Variants in RBFOX1 observed in about 807,000 individuals in gnomAD.
The protein encoded by RBFOX1 is RNA binding protein fox-1 homolog 1.
RBFOX1 carries 8 observed loss-of-function variants against 57.7 expected under a neutral mutation model. The ratio of observed to expected loss-of-function variants is 0.14; its 90% CI spans 0.08 to 0.25. The LOEUF is 0.25. Among genes scored for constraint, RBFOX1 ranks in the 10% least tolerant of loss-of-function variants. RBFOX1 has a pLI of 1.00. For missense variants in RBFOX1, 611 were observed against 548.5 expected, an observed-to-expected ratio of 1.11 and a Z score of -1.14; for synonymous variants, 326 against 222.4, an observed-to-expected ratio of 1.47 and a Z score of -4.15.
intron 3 of RBFOX1, among the ~76,000 whole-genome samples, chr16:5,853,914 T>C (rs1346307270): frequency 2.0e-5 from 3 of 152,216 alleles, no homozygotes; most frequent in African/African-American, 7.2e-5. Flanking sequence ...CATGTGCCAC[T>C]GCACCCAGCC....
intron 3 of RBFOX1, among the ~76,000 whole-genome samples, chr16:7,041,894 G>C (rs2046297417): frequency 6.6e-6 from 1 of 151,218 alleles, no homozygotes; most frequent in Non-Finnish European, 1.5e-5. Flanking sequence ...AATAAAATTA[G>C]ACACTTTGCA....
At chr16:6,537,793 A>G (rs944928895) in intron 2 of RBFOX1, among the ~76,000 whole-genome samples, 1 of 152,220 alleles carries the variant, frequency 6.6e-6, no homozygotes, top group African/African-American at 2.4e-5. Context: ...GCTCACTGGT[A>G]GCTGAAATTC....
chr16:7,296,345 T>C (rs1194176554), intron 4 of RBFOX1, among the ~76,000 whole-genome samples: 2 of 151,826 alleles, frequency 1.3e-5, no homozygotes, highest in African/African-American at 4.8e-5. Flanking sequence ...TGTGAGTTTA[T>C]GTGTGTATGT....
At chr16:7,088,355 G>C (rs1005393493) in intron 4 of RBFOX1, among the ~76,000 whole-genome samples, 2 of 152,146 alleles carry the variant, frequency 1.3e-5, no homozygotes, top group Non-Finnish European at 2.9e-5. Flanking sequence ...TCTCTCACAA[G>C]TGACTACTTA....
Position 6,590,840 on chromosome 16 carries a change from G to A in RBFOX1, c.-63-63763G>A, listed in dbSNP as rs906229215. Among the ~76,000 whole-genome samples, 13 of 6,048 alleles carry A rather than the reference G, an allele frequency of 2.1e-3. No individual in the cohort carries two copies. The East Asian group carries it at 0.062, about 29-fold the overall frequency. 4.0% of individuals were successfully genotyped at this position (6,048 alleles called of 152,430 possible). ...ACAGCTCTGTCATATTGGCAAGTGC[G>A]TTTGACATGCAAGAATTGTACAGTT... On this transcript the variant is annotated intron_variant, in intron 2 of 15. Coordinates refer to ENST00000550418, the MANE Select transcript of RBFOX1 (RefSeq NM_018723.4).
chr16:6,699,739 G>GA (rs2061551453), intron 3 of RBFOX1, among the ~76,000 whole-genome samples: 1 of 152,162 alleles, frequency 6.6e-6, no homozygotes, highest in African/African-American at 2.4e-5. Flanking sequence ...CCGTTGCCTT[G>GA]AAGGAGTTTA....
intron 4 of RBFOX1, among the ~76,000 whole-genome samples, chr16:7,201,912 TA>T (rs1245454987): frequency 1.6e-4 from 25 of 152,266 alleles, no homozygotes; most frequent in Admixed American, 1.3e-3. Flanking sequence ...AGAGGAGATG[TA>T]CGAGGGATTT....
At chr16:6,065,875 C>A (rs747329191) in intron 1 of RBFOX1, among the ~76,000 whole-genome samples, 2 of 152,102 alleles carry the variant, frequency 1.3e-5, no homozygotes, top group Non-Finnish European at 2.9e-5. Flanking sequence ...ATTTTGCCTC[C>A]GAGGACTAGG....
chr16:6,900,806 T>G (rs530799997), intron 3 of RBFOX1, among the ~76,000 whole-genome samples: 6 of 152,218 alleles, frequency 3.9e-5, no homozygotes, highest in Non-Finnish European at 8.8e-5. Context: ...ATGCCATTCC[T>G]AATATTCCAC....
intron 3 of RBFOX1, among the ~76,000 whole-genome samples, chr16:6,950,459 A>T (rs1009748092): frequency 6.6e-6 from 1 of 152,202 alleles, no homozygotes; most frequent in East Asian, 1.9e-4. Context: ...AGTGCCTGGC[A>T]CAGAGTAGAT....
chr16:7,674,652 A>AAGTC (rs1363448079), intron 13 of RBFOX1, among the ~76,000 whole-genome samples: 1 of 152,206 alleles, frequency 6.6e-6, no homozygotes, highest in Non-Finnish European at 1.5e-5. Context: ...GTAACTGGCC[A>AAGTC]AGTCATATGC....
At chr16:7,437,115 G>A (rs2098728154) in intron 4 of RBFOX1, among the ~76,000 whole-genome samples, 2 of 152,216 alleles carry the variant, frequency 1.3e-5, no homozygotes, top group South Asian at 4.1e-4. Context: ...CCACAGAGCA[G>A]AAGCATCACA....
chr16:7,115,298 G>C (rs551358339), intron 4 of RBFOX1, among the ~76,000 whole-genome samples: 1 of 152,138 alleles, frequency 6.6e-6, no homozygotes, highest in Non-Finnish European at 1.5e-5. Flanking sequence ...TTGATTACTT[G>C]TGTGCCAGCA....
intron 4 of RBFOX1, among the ~76,000 whole-genome samples, chr16:7,392,354 A>G (rs375402915): frequency 6.6e-6 from 1 of 152,122 alleles, no homozygotes; most frequent in Non-Finnish European, 1.5e-5. Flanking sequence ...CATTTGGACA[A>G]TGGCCTGTTT....
At chr16:5,579,934 CT>C (rs943292393) in intron 2 of RBFOX1, among the ~76,000 whole-genome samples, 4 of 151,698 alleles carry the variant, frequency 2.6e-5, no homozygotes, top group South Asian at 4.2e-4. Flanking sequence ...TAATTTTTTT[CT>C]TTTTTTTGAA....
intron 3 of RBFOX1, among the ~76,000 whole-genome samples, chr16:5,698,975 C>T (rs1240672737): frequency 1.5e-5 from 2 of 137,882 alleles, no homozygotes; most frequent in African/African-American, 5.2e-5. Context: ...TAAACAGCAC[C>T]TGGTTGGATT....
At chr16:7,365,542 A>G (rs980984058) in intron 4 of RBFOX1, among the ~76,000 whole-genome samples, 2 of 152,272 alleles carry the variant, frequency 1.3e-5, no homozygotes, top group East Asian at 1.9e-4. Context: ...GGTTGTCTCA[A>G]TTGTGTAGAG....
intron 1 of RBFOX1, among the ~76,000 whole-genome samples, chr16:5,313,503 C>G (rs571784938): frequency 6.6e-6 from 1 of 152,258 alleles, no homozygotes; most frequent in African/African-American, 2.4e-5. Flanking sequence ...TACAAGAAGA[C>G]TGTATTAGTC....
chr16:5,910,251 G>C (rs1441714368), intron 4 of RBFOX1, among the ~76,000 whole-genome samples: 1 of 152,016 alleles, frequency 6.6e-6, no homozygotes, highest in African/African-American at 2.4e-5. Context: ...ATATAGCCTG[G>C]TCCTCAGGCC....
Sources: gnomAD v4.1 joint callset for allele counts (sites outside exome capture counted in the v4.1 genomes callset) on GRCh38, gnomAD v4.1.1 for gene constraint, MANE v1.5 for transcripts, NCBI Gene and HGNC (gene_info 2026-07-23, HGNC 2026-07-21) for gene names.